LRP4: variants seen among roughly 807,000 people sequenced by gnomAD.
The protein encoded by LRP4 is low-density lipoprotein receptor-related protein 4.
LRP4 carries 95 observed loss-of-function variants against 220.3 expected under a neutral mutation model. The ratio of observed to expected loss-of-function variants is 0.43; its 90% CI spans 0.37 to 0.51. The LOEUF (loss-of-function observed/expected upper bound fraction) is 0.51. LRP4 is among the 20% of genes least tolerant of loss of function. The probability of loss-of-function intolerance (pLI) is 0.00; values close to 1 mark genes in which losing one functional copy is unlikely to be tolerated. For synonymous variants in LRP4, 903 were observed against 954.6 expected (o/e 0.95, Z 1.00); for missense variants, 1,925 against 2,567.0 (o/e 0.75, Z 5.40).
In LRP4 at chr11:46,890,464, G is replaced by T; in HGVS notation, c.1728C>A (p.Thr576=). The part of the protein sequence containing the change: ...GTIYWTDWGN[T]PRIEASSMDG... ...CCATGCTGGAGGCCTCAATACGGGG[G>T]GTGTTGCCCCAGTCTGTCCAGTAAA... is the stretch of plus-strand genomic sequence containing the variant. Residue 576 remains threonine, a synonymous_variant, in exon 14 of 38, where the codon ACC becomes ACA. Transcript: ENST00000378623. This position sits in a 1 kb window ranked among gnomAD's most constrained non-coding sequence, Gnocchi z 5.3. 1 of 1,613,998 alleles carries T rather than the reference G, an allele frequency of 6.2e-7. No individual in the cohort carries two copies. Among genetic ancestry groups the T allele is most frequent in the Non-Finnish European group, 8.5e-7 (1 of 1,179,950 alleles).
At position 46,875,904 on chromosome 11, in the gene LRP4, G is replaced by A. The variant is rs749792822; in HGVS notation, c.3599C>T (p.Ser1200Leu). 1.4e-5 allele frequency: 23 copies of A among 1,613,982 alleles called. No homozygotes were observed. Among genetic ancestry groups the A allele is most frequent in the Admixed American group, 1.7e-5 (1 of 59,988 alleles). The change falls in exon 26 of 38, where the codon TCA (serine) becomes TTA (leucine). Residue 1200 changes from serine to leucine, a missense_variant. Coordinates refer to ENST00000378623, the MANE Select transcript of LRP4 (RefSeq NM_002334.4). The surrounding 1 kb of genome is among the most constrained non-coding windows in gnomAD (Gnocchi z 4.5). Reference sequence around the variant, plus strand: ...GTTGTTGATGAGCACCGCGCGGTCTGAGCCATCCATTCCGGACCGCTCTAA... The same window carrying A: ...GTTGTTGATGAGCACCGCGCGGTCTAAGCCATCCATTCCGGACCGCTCTAA... ...AKLERSGMDGSDRAVLINNNL... is the reference protein window; with the variant it reads ...AKLERSGMDGLDRAVLINNNL...
chr11:46,913,815 C>T (rs138978025), intron 1 of LRP4, among the ~76,000 whole-genome samples: 12 of 152,274 alleles, frequency 7.9e-5, no homozygotes, highest in Admixed American at 3.9e-4. Flanking sequence ...ATGAGTTCCC[C>T]TAGACTGATG....
intron 2 of LRP4, among the ~76,000 whole-genome samples, chr11:46,901,221 G>A (rs1592547709): frequency 6.6e-6 from 1 of 152,214 alleles, no homozygotes; most frequent in South Asian, 2.1e-4. Flanking sequence ...GGTTCACAGG[G>A]TAGGGGAAGA....
chr11:46,873,959 TA>T lies in LRP4; in HGVS notation c.4230-367del. 1 of 257,136 alleles carries T rather than the reference TA, an allele frequency of 3.9e-6. No individual in the cohort carries two copies. The highest frequency in any genetic ancestry group is 1.3e-3 in the Middle Eastern group (1 of 764). The allele number at this position is 257,136 out of a possible 1,614,324, so 15.9% of individuals were successfully genotyped here. A position where few individuals can be genotyped will look rare whatever the true frequency, so the allele number is the denominator to read the frequency against. ...TGTCAAAACCAACCTGTGCATTTTT[TA>T]AAAGTTAAAAACAATTTTAAATACA... On this transcript the variant is annotated intron_variant, in intron 28 of 37. Coordinates refer to ENST00000378623, the MANE Select transcript of LRP4 (RefSeq NM_002334.4). This position sits in a 1 kb window ranked among gnomAD's most constrained non-coding sequence, Gnocchi z 4.2.
intron 1 of LRP4, among the ~76,000 whole-genome samples, chr11:46,913,634 G>C (rs9667108): frequency 0.19 from 29,497 of 152,008 alleles, 5,233 homozygotes; most frequent in African/African-American, 0.48. Flanking sequence ...GGAGGGCTTG[G>C]AATTCTAAAC....
rs746774260 is a variant in LRP4, at chr11:46,875,438, C to G, written c.3925+18G>C. 1 of 1,607,396 alleles carries G rather than the reference C, an allele frequency of 6.2e-7. No individual in the cohort carries two copies. Among genetic ancestry groups the G allele is most frequent in the Non-Finnish European group, 8.5e-7 (1 of 1,174,174 alleles). On this transcript the variant is annotated intron_variant, in intron 27 of 37. Coordinates refer to ENST00000378623, the MANE Select transcript of LRP4 (RefSeq NM_002334.4). The surrounding 1 kb of genome is among the most constrained non-coding windows in gnomAD (Gnocchi z 4.5). ...AGCCAGAGGCTCTGACTCACAGCCC[C>G]AGCCCTCTGACTCTCACCTAGTGGC...
chr11:46,861,346 A>T (rs1940541684), intron 37 of LRP4, among the ~76,000 whole-genome samples: 6 of 152,142 alleles, frequency 3.9e-5, no homozygotes, highest in Admixed American at 3.9e-4. Flanking sequence ...AGAGCCCTGC[A>T]GGTGTGAGAG....
chr11:46,873,511 C>A lies in LRP4; in HGVS notation c.4312G>T (p.Val1438Leu). The A allele has an allele frequency of 6.2e-7, 1 of 1,614,254 alleles. No homozygotes were observed. ...TCTGTCCAGTACAGGTTCCTGGCCA[C>A]CCAGTCCACTGCCAGCCCGTCAGTG... ...KTTDGLAVDW[V>L]ARNLYWTDTG... is the part of the protein sequence containing the mutation. Residue 1438 changes from valine to leucine, a missense_variant, in exon 29 of 38, where the codon GTG becomes TTG. Physicochemically the swap from Val to Leu is conservative, Grantham distance 32 (BLOSUM62 1). Transcript: ENST00000378623. This position sits in a 1 kb window ranked among gnomAD's most constrained non-coding sequence, Gnocchi z 4.2.
At position 46,886,175 on chromosome 11, in the gene LRP4, G is replaced by A. The variant is rs1395674452; in HGVS notation, c.2425-3C>T. Reference sequence around the variant, plus strand: ...TCCAAACTGGTATCCACTACCACCTGGGCAGGAAGCAAAGCTGTATCACCA... The same window carrying A: ...TCCAAACTGGTATCCACTACCACCTAGGCAGGAAGCAAAGCTGTATCACCA... On this transcript the variant is annotated splice_region_variant and splice_polypyrimidine_tract_variant and intron_variant, in intron 17 of 37. Transcript: ENST00000378623. The A allele has an allele frequency of 1.2e-6, 2 of 1,613,500 alleles. No homozygotes were observed. The highest frequency in any genetic ancestry group is 1.7e-6 in the Non-Finnish European group (2 of 1,179,484).
intron 7 of LRP4, among the ~76,000 whole-genome samples, chr11:46,898,049 G>A (rs1941580324): frequency 1.4e-5 from 2 of 140,518 alleles, no homozygotes; most frequent in African/African-American, 2.7e-5. Context: ...GCCGGGCGGG[G>A]GGCTGACCCC....
At chr11:46,904,114 G>A (rs111323084) in intron 1 of LRP4, among the ~76,000 whole-genome samples, 3 of 152,314 alleles carry the variant, frequency 2.0e-5, no homozygotes, top group African/African-American at 7.2e-5. Context: ...TGCTCTGCTC[G>A]CAGCTGGGGA....
intron 1 of LRP4, among the ~76,000 whole-genome samples, chr11:46,912,478 G>A (rs992956563): frequency 6.6e-6 from 1 of 152,158 alleles, no homozygotes; most frequent in Non-Finnish European, 1.5e-5. Flanking sequence ...TAAACTGCCC[G>A]TGGAAGGAGG....
Position 46,874,899 on chromosome 11 carries a change from A to T in LRP4, c.4130T>A (p.Val1377Glu). 6.2e-7 allele frequency: 1 copy of T among 1,614,200 alleles called. No individual in the cohort carries two copies. The highest frequency in any genetic ancestry group is 8.5e-7 in the Non-Finnish European group (1 of 1,180,028). Reference protein sequence around the residue: ...ISLDTSDHTDVHVPVPELNNV... With the variant: ...ISLDTSDHTDEHVPVPELNNV... Reference sequence around the variant, plus strand: ...GTTGAGCTCAGGAACAGGGACATGCACATCGGTGTGGTCACTGGTGTCCAG... The same window carrying T: ...GTTGAGCTCAGGAACAGGGACATGCTCATCGGTGTGGTCACTGGTGTCCAG... The change falls in exon 28 of 38, where the codon GTG (valine) becomes GAG (glutamate). Residue 1377 changes from valine (V) to glutamate (E), a missense_variant. By Grantham distance (121) the Val-to-Glu change is moderately radical. Around this residue, in one of 3 missense-constraint regions of LRP4, gnomAD observed 1,244 missense variants for 1,624.9 expected, o/e 0.77. Coordinates refer to ENST00000378623, the MANE Select transcript of LRP4 (RefSeq NM_002334.4).
At position 46,869,137 on chromosome 11, in the gene LRP4, T is replaced by A. The variant is rs1472016436; in HGVS notation, c.4693-5A>T. Reference sequence around the variant, plus strand: ...CCAGTAGATCCACCTGTCTTGCTACTCAACAGGGGAAGCCCAAAAACAGTA... The same window carrying A: ...CCAGTAGATCCACCTGTCTTGCTACACAACAGGGGAAGCCCAAAAACAGTA... On this transcript the variant is annotated splice_polypyrimidine_tract_variant and splice_region_variant and intron_variant, in intron 31 of 37. Transcript: ENST00000378623. The A allele has an allele frequency of 6.2e-7, 1 of 1,613,946 alleles. No individual in the cohort carries two copies. The highest frequency in any genetic ancestry group is 2.2e-5 in the East Asian group (1 of 44,878).
At chr11:46,893,206 T>G in intron 12 of LRP4, 77 bp from the exon 13 acceptor site, 6 of 1,556,664 alleles carry the variant, frequency 3.9e-6, no homozygotes, top group East Asian at 2.3e-5. Context: ...GAGCAAACTC[T>G]TACAGGAAGC....
chr11:46,887,500 AC>A (rs1352123330), intron 16 of LRP4, among the ~76,000 whole-genome samples: 1 of 150,890 alleles, frequency 6.6e-6, no homozygotes, highest in African/African-American at 2.4e-5. Flanking sequence ...GGAGTTTGAG[AC>A]CAGCCTGAGC....
Position 46,894,576 on chromosome 11 carries a change from C to A in LRP4, c.1540+13G>T. The A allele has an allele frequency of 6.3e-7, 1 of 1,584,964 alleles. No individual in the cohort carries two copies. The highest frequency in any genetic ancestry group is 8.6e-7 in the Non-Finnish European group (1 of 1,163,554). On this transcript the variant is annotated intron_variant, in intron 12 of 37. Coordinates refer to ENST00000378623, the MANE Select transcript of LRP4 (RefSeq NM_002334.4). ...CATGGCTCTGCCCCTCTCCATGGGGCCTTGTTCCCTACCTGGGCTCTCCAG... is the reference window on the plus strand; with the variant it reads ...CATGGCTCTGCCCCTCTCCATGGGGACTTGTTCCCTACCTGGGCTCTCCAG...
At position 46,893,040 on chromosome 11, in the gene LRP4, G is replaced by A; in HGVS notation, c.1630C>T (p.His544Tyr). ...RIEVANLDGA[H>Y]RKVLLWQNLE... is the part of the protein sequence containing the mutation. ...TTCTGCCACAGCAACACTTTCCGGT[G>A]GGCCCCATCCAGATTGGCCACCTCA... Residue 544 changes from histidine (H) to tyrosine (Y), a missense_variant, in exon 13 of 38, where the codon CAC (histidine) becomes TAC (tyrosine). Physicochemically the swap from His to Tyr is moderately conservative, Grantham distance 83. Transcript: ENST00000378623. The A allele has an allele frequency of 6.2e-7, 1 of 1,614,088 alleles. No individual in the cohort carries two copies. The highest frequency in any genetic ancestry group is 8.5e-7 in the Non-Finnish European group (1 of 1,179,964).
intron 36 of LRP4, 116 bp downstream of exon 36, chr11:46,864,332 A>G (rs1940636946): frequency 2.4e-6 from 2 of 824,138 alleles, no homozygotes; most frequent in East Asian, 2.4e-5. Context: ...CAGGCACCCA[A>G]CCTTGCAATA....
Sources: gnomAD v4.1 joint callset for allele counts (sites outside exome capture counted in the v4.1 genomes callset) on GRCh38, gnomAD v4.1.1 for gene constraint, gnomAD v4.1.1 regional missense constraint, Gnocchi (gnomAD v3.1) non-coding constraint, MANE v1.5 for transcripts, NCBI Gene and HGNC (gene_info 2026-07-23, HGNC 2026-07-21) for gene names.